FUBP3: variants seen among roughly 807,000 people sequenced by gnomAD.
FUBP3 encodes far upstream element binding protein 3, also known as far upstream element-binding protein 3.
Under a neutral mutation model 85.6 loss-of-function variants are expected in FUBP3, and 28 were observed. That is an observed-to-expected ratio of 0.33 (90% CI 0.24 to 0.45). The LOEUF (loss-of-function observed/expected upper bound fraction) is 0.45, where lower values mean the gene tolerates loss of function less well. Ranked by LOEUF, FUBP3 falls within the 20% of genes least tolerant of loss-of-function variation. The probability of loss-of-function intolerance (pLI) is 1.00; values close to 1 mark genes in which losing one functional copy is unlikely to be tolerated. For synonymous variants in FUBP3, 271 were observed against 271.4 expected (o/e 1.00, Z 0.01); for missense variants, 583 against 755.1 (o/e 0.77, Z 2.67).
At chr9:130,613,631 A>G (rs1006842975) in intron 5 of FUBP3, among the ~76,000 whole-genome samples, 5 of 152,228 alleles carry the variant, frequency 3.3e-5, no homozygotes. Context: ...TTTGAAGGAC[A>G]TTTGACTAGA....
intron 10 of FUBP3, 28 bp downstream of exon 10, chr9:130,622,838 G>A: frequency 9.6e-7 from 1 of 1,041,792 alleles, no homozygotes; most frequent in African/African-American, 1.8e-5. Context: ...AAAATCCTTA[G>A]TGTTAAAAAA....
intron 8 of FUBP3, among the ~76,000 whole-genome samples, chr9:130,618,449 G>A (rs1832121367): frequency 1.3e-5 from 2 of 152,250 alleles, no homozygotes; most frequent in Non-Finnish European, 2.9e-5. Context: ...GGCACCCTCA[G>A]AGCAAGTGTC....
chr9:130,636,655 G>T (rs540082454), intron 18 of FUBP3, among the ~76,000 whole-genome samples: 1 of 152,244 alleles, frequency 6.6e-6, no homozygotes, highest in Non-Finnish European at 1.5e-5. Context: ...AAGGGAAGAC[G>T]TCCAAATGTT....
intron 1 of FUBP3, 152 bp downstream of exon 1, chr9:130,579,916 A>C: frequency 2.2e-6 from 1 of 459,352 alleles, no homozygotes; most frequent in Non-Finnish European, 3.5e-6. Context: ...AGCCGGGAGG[A>C]GCCGGGGGGA....
At chr9:130,627,645 G>A (rs1264044568) in intron 12 of FUBP3, among the ~76,000 whole-genome samples, 4 of 152,176 alleles carry the variant, frequency 2.6e-5, no homozygotes, top group Non-Finnish European at 5.9e-5. Flanking sequence ...GCAGGTGTGC[G>A]GGCTGGTGAG....
intron 1 of FUBP3, among the ~76,000 whole-genome samples, chr9:130,585,477 C>T (rs1830303240): frequency 2.6e-5 from 4 of 152,166 alleles, no homozygotes; most frequent in Admixed American, 2.6e-4. Context: ...GATGCATGAC[C>T]TTGGGCTGGG....
rs531583037 is a variant in FUBP3, at chr9:130,603,239, C to T, written c.191-6715C>T. Among the ~76,000 whole-genome samples the T allele has an allele frequency of 3.4e-5, 5 of 147,778 alleles. No homozygotes were observed. In the South Asian group the frequency reaches 6.5e-4, roughly 19 times the overall value. ...GCGTGCACCTGTAGTCCCAGCTCTT[C>T]GGGAGGCTGAGGTGGGAGAATGGCC... is the stretch of plus-strand genomic sequence containing the variant. On this transcript the variant is annotated intron_variant, in intron 2 of 18. Coordinates refer to ENST00000319725, the MANE Select transcript of FUBP3 (RefSeq NM_003934.2).
At chr9:130,599,379 G>GTA (rs1564197852) in intron 2 of FUBP3, among the ~76,000 whole-genome samples, 4 of 124,706 alleles carry the variant, frequency 3.2e-5, no homozygotes, top group Non-Finnish European at 6.9e-5. Context: ...GTGTGTGTGT[G>GTA]TGTGTATATA....
At chr9:130,626,951 CG>C (rs2119112527) in intron 12 of FUBP3, among the ~76,000 whole-genome samples, 1 of 152,310 alleles carries the variant, frequency 6.6e-6, no homozygotes, top group Non-Finnish European at 1.5e-5. Context: ...GGTCTTGATC[CG>C]CGTAACATGT....
In FUBP3 at chr9:130,631,957, G is replaced by T. The variant is rs1830229506; in HGVS notation, c.1368G>T (p.Arg456Ser). 4 of 1,612,982 alleles carry T rather than the reference G, an allele frequency of 2.5e-6. No individual in the cohort carries two copies. The East Asian group carries it at 8.9e-5, about 36-fold the overall frequency. The change falls in exon 15 of 19, where the codon AGG becomes AGT. Residue 456 changes from arginine to serine, a missense_variant. Coordinates refer to ENST00000319725, the MANE Select transcript of FUBP3 (RefSeq NM_003934.2). ...APPHQNTFPP[R>S]SSGCFPNMAA... ...CTTTTCCCAGTACCTTTCCTCCAAG[G>T]AGCTCCGGGTGCTTCCCAAACATGG...
chr9:130,587,574 G>T (rs1473453131), intron 1 of FUBP3, among the ~76,000 whole-genome samples: 1 of 152,178 alleles, frequency 6.6e-6, no homozygotes, highest in Non-Finnish European at 1.5e-5. Context: ...TGTTTAATGA[G>T]CACCTTCTCT....
intron 1 of FUBP3, chr9:130,581,869 A>G (rs1427986629): frequency 6.6e-6 from 1 of 152,116 alleles, no homozygotes; most frequent in Non-Finnish European, 1.5e-5. Flanking sequence ...CTCTCAGTTG[A>G]CCCTGCTGGG....
rs1403805023 is a variant in FUBP3, at chr9:130,606,713, G to A, written c.191-3241G>A. On this transcript the variant is annotated intron_variant, in intron 2 of 18. Coordinates refer to ENST00000319725, the MANE Select transcript of FUBP3 (RefSeq NM_003934.2). ...CGCATGCCTGTAATCCCAGCTACTC[G>A]GGAAGCTGAGGTAGGAGAATCGCTT... Among the ~76,000 whole-genome samples the A allele has an allele frequency of 2.0e-5, 3 of 152,002 alleles. No homozygotes were observed. In the East Asian group the frequency reaches 5.8e-4, roughly 29 times the overall value.
chr9:130,598,009 G>C (rs1371865937), intron 2 of FUBP3, among the ~76,000 whole-genome samples: 2 of 152,136 alleles, frequency 1.3e-5, no homozygotes. Flanking sequence ...TTCCCCAAAA[G>C]GTAGACATGG....
chr9:130,579,820 C>G, intron 1 of FUBP3, 56 bp downstream of exon 1: 3 of 928,402 alleles, frequency 3.2e-6, no homozygotes, highest in Non-Finnish European at 4.2e-6. Context: ...GCCTGGCGGG[C>G]GGGGAAGAGG....
chr9:130,615,103 C>A (rs1187458263), intron 6 of FUBP3, among the ~76,000 whole-genome samples: 1 of 152,142 alleles, frequency 6.6e-6, no homozygotes, highest in African/African-American at 2.4e-5. Flanking sequence ...TCTAGATGAG[C>A]TTAAAGTCTC....
intron 5 of FUBP3, among the ~76,000 whole-genome samples, chr9:130,613,962 T>C (rs1201791443): frequency 6.6e-6 from 1 of 152,212 alleles, no homozygotes; most frequent in African/African-American, 2.4e-5. Flanking sequence ...ATGGAGAAAC[T>C]GAGGAATAGC....
chr9:130,589,675 G>GTGTGTGTATA (rs869282275), intron 1 of FUBP3, among the ~76,000 whole-genome samples: 1 of 34,312 alleles, frequency 2.9e-5, no homozygotes, highest in African/African-American at 1.3e-4. Flanking sequence ...GTATGTGTGT[G>GTGTGTGTATA]TATATATATA....
In FUBP3 at chr9:130,631,946, T is replaced by C. The variant is rs1830229007; in HGVS notation, c.1357T>C (p.Phe453Leu). ...QPPAPPHQNT[F>L]PPRSSGCFPN... Reference sequence around the variant, plus strand: ...GTTTCTTTTACCTTTTCCCAGTACCTTTCCTCCAAGGAGCTCCGGGTGCTT... The same window carrying C: ...GTTTCTTTTACCTTTTCCCAGTACCCTTCCTCCAAGGAGCTCCGGGTGCTT... The change falls in exon 15 of 19, where the codon TTT (phenylalanine) becomes CTT (leucine). Residue 453 changes from phenylalanine to leucine, a missense_variant. Phe to Leu is a conservative substitution (Grantham distance 22, BLOSUM62 0). Coordinates refer to ENST00000319725, the MANE Select transcript of FUBP3 (RefSeq NM_003934.2). The C allele has an allele frequency of 1.2e-6, 2 of 1,610,612 alleles. No individual in the cohort carries two copies. The highest frequency in any genetic ancestry group is 1.3e-5 in the African/African-American group (1 of 74,994).
Sources: gnomAD v4.1 joint callset for allele counts (sites outside exome capture counted in the v4.1 genomes callset) on GRCh38, gnomAD v4.1.1 for gene constraint, MANE v1.5 for transcripts, NCBI Gene and HGNC (gene_info 2026-07-23, HGNC 2026-07-21) for gene names.